DST: variants seen among roughly 807,000 people sequenced by gnomAD.
DST encodes the protein bullous pemphigoid antigen.
DST carries 253 observed loss-of-function variants against 875.2 expected under a neutral mutation model. The ratio of observed to expected loss-of-function variants is 0.29; its 90% confidence interval spans 0.26 to 0.32. The LOEUF is 0.32. Ranked by LOEUF, DST falls within the 10% of genes least tolerant of loss-of-function variation. DST has a pLI of 1.00. For missense variants in DST, 8,287 were observed against 9,111.6 expected, an observed-to-expected ratio of 0.91 and a Z score of 3.68; for synonymous variants, 3,124 against 3,197.1, an observed-to-expected ratio of 0.98 and a Z score of 0.77.
At chr6:56,668,146 A>G (rs1242261261) in intron 10 of DST, among the ~76,000 whole-genome samples, 1 of 152,228 alleles carries the variant, frequency 6.6e-6, no homozygotes. Context: ...TACTTTAGGT[A>G]TCACAATTGA....
At chr6:56,617,151 G>C in intron 36 of DST, 1 of 1,603,414 alleles carries the variant, frequency 6.2e-7, no homozygotes, top group Non-Finnish European at 8.5e-7. Context: ...ATGTCCAGAA[G>C]CTTAGCTTCC....
At chr6:56,923,465 A>G (rs1805336982) in intron 2 of DST, among the ~76,000 whole-genome samples, 2 of 143,096 alleles carry the variant, frequency 1.4e-5, no homozygotes, top group Admixed American at 6.9e-5. Flanking sequence ...CTCACTGGCA[A>G]AAAAAAAAAA....
chr6:56,730,099 A>T (rs1049667182), intron 5 of DST, among the ~76,000 whole-genome samples: 1 of 152,248 alleles, frequency 6.6e-6, no homozygotes, highest in African/African-American at 2.4e-5. Flanking sequence ...GAATAAATTT[A>T]AAATATAGCT....
intron 53 of DST, among the ~76,000 whole-genome samples, chr6:56,571,146 A>C (rs2097774878): frequency 1.3e-5 from 2 of 152,240 alleles, no homozygotes; most frequent in Non-Finnish European, 2.9e-5. Flanking sequence ...GCACATGCCC[A>C]GCACATGAAC....
chr6:56,853,591 ATTAT>A (rs1766367411), intron 3 of DST, among the ~76,000 whole-genome samples: 1 of 152,176 alleles, frequency 6.6e-6, no homozygotes, highest in Non-Finnish European at 1.5e-5. Flanking sequence ...TAGTAATTTG[ATTAT>A]TTATCTTTAC....
In DST at chr6:56,603,043, A is replaced by G; in HGVS notation, c.11158-12T>C. ...ACTGCTAGTTTAGACTAGAAAAAAA[A>G]ATTGTGCATTCAGTTATCTTTCCCC... On this transcript the variant is annotated splice_polypyrimidine_tract_variant and intron_variant, in intron 42 of 103. Transcript: ENST00000680361. The G allele has an allele frequency of 6.4e-7, 1 of 1,559,270 alleles. No individual in the cohort carries two copies. Among genetic ancestry groups the G allele is most frequent in the Non-Finnish European group, 8.6e-7 (1 of 1,159,664 alleles).
chr6:56,532,081 A>G (rs2096905596), intron 64 of DST, among the ~76,000 whole-genome samples: 1 of 152,170 alleles, frequency 6.6e-6, no homozygotes, highest in Admixed American at 6.5e-5. Flanking sequence ...ATGCATGGTA[A>G]GCAGGCAGTA....
At chr6:56,510,025 A>C (rs1398454527) in intron 73 of DST, among the ~76,000 whole-genome samples, 152 bp from the exon 74 acceptor site, 1 of 152,214 alleles carries the variant, frequency 6.6e-6, no homozygotes, top group Non-Finnish European at 1.5e-5. Flanking sequence ...AGTTACATCC[A>C]CCTGGTGTGT....
At chr6:56,909,048 T>C (rs918521002) in intron 2 of DST, among the ~76,000 whole-genome samples, 5 of 152,234 alleles carry the variant, frequency 3.3e-5, no homozygotes, top group Non-Finnish European at 5.9e-5. Context: ...TTTTACTCTA[T>C]GGACTCACCC....
chr6:56,856,200 T>C (rs2127585049), intron 3 of DST, among the ~76,000 whole-genome samples: 1 of 152,338 alleles, frequency 6.6e-6, no homozygotes, highest in South Asian at 2.1e-4. Flanking sequence ...CAATAACTTC[T>C]TTAACTGAAA....
At chr6:56,869,810 G>C (rs763510089) in intron 3 of DST, among the ~76,000 whole-genome samples, 1 of 151,972 alleles carries the variant, frequency 6.6e-6, no homozygotes, top group African/African-American at 2.4e-5. Context: ...TCAGCCTCCC[G>C]AGTAGCCGAG....
intron 16 of DST, 116 bp downstream of exon 16, chr6:56,642,294 A>C: frequency 1.1e-6 from 1 of 904,386 alleles, no homozygotes; most frequent in Non-Finnish European, 1.8e-6. Context: ...ACAAACTTTA[A>C]GTTTCAGTGG....
At chr6:56,918,714 T>C (rs1433116756) in intron 2 of DST, among the ~76,000 whole-genome samples, 1 of 152,152 alleles carries the variant, frequency 6.6e-6, no homozygotes, top group African/African-American at 2.4e-5. Context: ...CTGGATAATA[T>C]AAATCTTTAT....
chr6:56,659,757 T>C (rs961755568), intron 10 of DST, among the ~76,000 whole-genome samples: 5 of 152,160 alleles, frequency 3.3e-5, no homozygotes, highest in African/African-American at 1.2e-4. Context: ...TTTTGTTGAT[T>C]GTTGTTTTAT....
intron 47 of DST, 87 bp downstream of exon 47, chr6:56,597,653 T>C: frequency 7.2e-7 from 1 of 1,397,634 alleles, no homozygotes; most frequent in Non-Finnish European, 9.7e-7. Context: ...TCAGTAAGGT[T>C]TGAAAAGAAC....
At chr6:56,843,284 C>T (rs2099802708) in intron 4 of DST, 1 of 1,247,638 alleles carries the variant, frequency 8.0e-7, no homozygotes, top group Non-Finnish European at 1.0e-6. Context: ...GCACGGAAGC[C>T]GAAGACGCAG....
chr6:56,794,162 C>T (rs2099735884), intron 4 of DST, among the ~76,000 whole-genome samples: 2 of 152,244 alleles, frequency 1.3e-5, no homozygotes, highest in African/African-American at 2.4e-5. Flanking sequence ...TGAGTTACTG[C>T]TACGCTTCTG....
Position 56,557,300 on chromosome 6 carries a change from G to A in DST, c.14640+19C>T, listed in dbSNP as rs757415475. 3.1e-6 allele frequency: 5 copies of A among 1,604,062 alleles called. No homozygotes were observed. The highest frequency in any genetic ancestry group is 2.5e-6 in the Non-Finnish European group (3 of 1,176,682). On this transcript the variant is annotated intron_variant, in intron 59 of 103. Transcript: ENST00000680361. The stretch of plus-strand genomic sequence containing the variant: ...TCAAATTGCTATGCACGAGAGACAG[G>A]TTATTAGGTAATACTCACCTGCACC...
intron 2 of DST, among the ~76,000 whole-genome samples, chr6:56,934,987 G>A (rs1388496766): frequency 3.3e-5 from 5 of 151,990 alleles, no homozygotes; most frequent in Non-Finnish European, 7.4e-5. Context: ...TAGCTTCATG[G>A]ATGATTCCCA....
Sources: gnomAD v4.1 joint callset for allele counts (sites outside exome capture counted in the v4.1 genomes callset) on GRCh38, gnomAD v4.1.1 for gene constraint, MANE v1.5 for transcripts, NCBI Gene and HGNC (gene_info 2026-07-23, HGNC 2026-07-21) for gene names.